SLC37A1: variants seen among roughly 807,000 people sequenced by gnomAD.
The protein encoded by SLC37A1 is glucose-6-phosphate exchanger SLC37A1.
In SLC37A1, 49 loss-of-function variants were observed where a neutral mutation model predicts 75.3. The observed-to-expected ratio is 0.65, with a 90% CI of 0.52 to 0.83. The LOEUF is 0.83. Among genes scored for constraint, SLC37A1 ranks in the 40% least tolerant of loss-of-function variants. The pLI, the probability that SLC37A1 is intolerant of heterozygous loss-of-function variation, is 0.00. For missense variants in SLC37A1, 566 were observed against 695.0 expected, an observed-to-expected ratio of 0.81 and a Z score of 2.09; for synonymous variants, 268 against 292.1, an observed-to-expected ratio of 0.92 and a Z score of 0.84.
chr21:42,577,486 G>C (rs540294891), intron 18 of SLC37A1, among the ~76,000 whole-genome samples: 1 of 152,296 alleles, frequency 6.6e-6, no homozygotes, highest in East Asian at 1.9e-4. Context: ...ATATAAAAAA[G>C]AACTGAAATA....
At position 42,564,887 on chromosome 21, in the gene SLC37A1, C is replaced by A. The variant is rs1017933824; in HGVS notation, c.1221+94C>A. On this transcript the variant is annotated intron_variant, in intron 14 of 19. Coordinates refer to ENST00000352133, the MANE Select transcript of SLC37A1 (RefSeq NM_001320537.2). Reference sequence around the variant, plus strand: ...AGCATCCTTCCATCTGGCCCGTGCTCCACTTTCCTGACAAGCCCGCTTCAT... The same window carrying A: ...AGCATCCTTCCATCTGGCCCGTGCTACACTTTCCTGACAAGCCCGCTTCAT... 46 of 1,229,126 alleles carry A rather than the reference C, an allele frequency of 3.7e-5. 1 individual carries two copies. Among genetic ancestry groups the A allele is most frequent in the South Asian group, 1.3e-4 (10 of 76,338 alleles). 76.1% of individuals were successfully genotyped at this position (1,229,126 alleles called of 1,614,324 possible).
chr21:42,523,663 G>A (rs976502656), intron 2 of SLC37A1, among the ~76,000 whole-genome samples: 1 of 152,242 alleles, frequency 6.6e-6, no homozygotes, highest in Non-Finnish European at 1.5e-5. Flanking sequence ...TTAGGGTTTC[G>A]CTTTTTTCCC....
rs978786580 is a variant in SLC37A1, at chr21:42,534,676, C to T, written c.139-22C>T. The T allele has an allele frequency of 9.4e-6, 15 of 1,602,210 alleles. No homozygotes were observed. The Admixed American group carries it at 1.2e-4, about 13-fold the overall frequency. ...CTGAGGGCACTTCCTCTCCCTGCTT[C>T]TGCCCTCCCATCACGTCCCAGGGTG... On this transcript the variant is annotated intron_variant, in intron 3 of 19. Coordinates refer to ENST00000352133, the MANE Select transcript of SLC37A1 (RefSeq NM_001320537.2).
At chr21:42,503,075 A>G (rs2054354208) in intron 2 of SLC37A1, 1 of 152,138 alleles carries the variant, frequency 6.6e-6, no homozygotes, top group African/African-American at 2.4e-5. Flanking sequence ...ATCACATGTC[A>G]TTATATGGTG....
At chr21:42,535,352 C>A in intron 4 of SLC37A1, 120 bp from the exon 5 acceptor site, 1 of 797,310 alleles carries the variant, frequency 1.3e-6, no homozygotes, top group Non-Finnish European at 2.1e-6. Flanking sequence ...TGTGGAAAAC[C>A]ACGCGTTTCA....
chr21:42,551,288 T>A (rs1176812435), intron 9 of SLC37A1, among the ~76,000 whole-genome samples: 2 of 152,196 alleles, frequency 1.3e-5, no homozygotes, highest in East Asian at 3.8e-4. Flanking sequence ...AAAGATGAAA[T>A]TAAGGCCGTT....
At chr21:42,524,017 A>G (rs2054717498) in intron 2 of SLC37A1, among the ~76,000 whole-genome samples, 1 of 152,088 alleles carries the variant, frequency 6.6e-6, no homozygotes, top group Admixed American at 6.5e-5. Context: ...CTTCCCTCGG[A>G]GTAAATCACA....
Position 42,535,958 on chromosome 21 carries a change from C to T in SLC37A1, c.350+408C>T, listed in dbSNP as rs114337582. ...CCATCTGTTTATATGCCCCAAATAA[C>T]GAATTTCACCTGATGATCGAAACAG... On this transcript the variant is annotated intron_variant, in intron 5 of 19. Coordinates refer to ENST00000352133, the MANE Select transcript of SLC37A1 (RefSeq NM_001320537.2). Among the ~76,000 whole-genome samples, 623 of 152,346 alleles carry T rather than the reference C, an allele frequency of 4.1e-3. 3 individuals are homozygous for T. The highest frequency in any genetic ancestry group is 0.014 in the African/African-American group (585 of 41,562).
chr21:42,522,276 A>G (rs1443945417), intron 2 of SLC37A1, among the ~76,000 whole-genome samples: 1 of 152,238 alleles, frequency 6.6e-6, no homozygotes, highest in Non-Finnish European at 1.5e-5. Context: ...TACAAAATGA[A>G]CAAAAGGAAA....
intron 6 of SLC37A1, among the ~76,000 whole-genome samples, chr21:42,541,385 G>C: frequency 6.6e-6 from 1 of 152,204 alleles, no homozygotes; most frequent in East Asian, 1.9e-4. Context: ...GGCTGGCCCA[G>C]GGTTGGGGAC....
chr21:42,544,666 G>A (rs2055362608), intron 8 of SLC37A1, among the ~76,000 whole-genome samples: 1 of 152,238 alleles, frequency 6.6e-6, no homozygotes, highest in African/African-American at 2.4e-5. Context: ...CAAACAGCCT[G>A]AGCAGGGGCC....
In SLC37A1 at chr21:42,552,869, G is replaced by A. The variant is rs1040876510; in HGVS notation, c.769-1193G>A. ...CGGGGGGCCGAGTGCTGGGGAGCAG[G>A]AACCCATCTCTGCTTCTGCCTGGAA... On this transcript the variant is annotated intron_variant, in intron 9 of 19. Coordinates refer to ENST00000352133, the MANE Select transcript of SLC37A1 (RefSeq NM_001320537.2). The surrounding 1 kb of genome is among the most constrained non-coding windows in gnomAD (Gnocchi z 4.2). 6.6e-6 allele frequency among the ~76,000 whole-genome samples: 1 copy of A among 152,214 alleles called. No individual in the cohort carries two copies. Among genetic ancestry groups the A allele is most frequent in the Non-Finnish European group, 1.5e-5 (1 of 68,040 alleles).
At chr21:42,518,134 T>A (rs6586322) in intron 1 of SLC37A1, 143 bp from the exon 2 acceptor site, 2 of 335,302 alleles carry the variant, frequency 6.0e-6, no homozygotes, top group Middle Eastern at 9.4e-4. Context: ...ACACTGCTGG[T>A]GGGGGCCCCT....
At chr21:42,530,237 A>G (rs749019507) in intron 3 of SLC37A1, among the ~76,000 whole-genome samples, 1 of 152,184 alleles carries the variant, frequency 6.6e-6, no homozygotes, top group African/African-American at 2.4e-5. Context: ...GTATAGAATG[A>G]TTCCATTTTT....
At position 42,536,147 on chromosome 21, in the gene SLC37A1, G is replaced by A. The variant is rs572355352; in HGVS notation, c.350+597G>A. 1.8e-4 allele frequency among the ~76,000 whole-genome samples: 27 copies of A among 152,274 alleles called. 1 individual carries two copies. The highest frequency in any genetic ancestry group is 5.1e-4 in the African/African-American group (21 of 41,576). ...TACAGCAGAGGCAGCTCTGCGTGGTGGGCAGGGAACTCCAGAGAGACACCA... is the reference window on the plus strand; with the variant it reads ...TACAGCAGAGGCAGCTCTGCGTGGTAGGCAGGGAACTCCAGAGAGACACCA... On this transcript the variant is annotated intron_variant, in intron 5 of 19. Coordinates refer to ENST00000352133, the MANE Select transcript of SLC37A1 (RefSeq NM_001320537.2).
intron 1 of SLC37A1, chr21:42,499,816 C>T (rs2146673197): frequency 6.6e-6 from 1 of 152,428 alleles, no homozygotes; most frequent in South Asian, 2.1e-4. Context: ...TTAACCCCTT[C>T]AAAAAGAAGA....
intron 15 of SLC37A1, 83 bp from the exon 16 acceptor site, chr21:42,566,902 A>G: frequency 7.1e-7 from 1 of 1,416,746 alleles, no homozygotes; most frequent in Non-Finnish European, 9.6e-7. Context: ...TGTGCTCCCC[A>G]GGCGCCCACC....
intron 17 of SLC37A1, among the ~76,000 whole-genome samples, chr21:42,571,626 T>C (rs1448043548): frequency 6.6e-6 from 1 of 152,106 alleles, no homozygotes; most frequent in Admixed American, 6.5e-5. Context: ...CTGAACGTCA[T>C]CAGCTGTGCT....
At position 42,547,229 on chromosome 21, in the gene SLC37A1, A is replaced by G; in HGVS notation, c.768+89A>G. On this transcript the variant is annotated intron_variant, in intron 9 of 19. Coordinates refer to ENST00000352133, the MANE Select transcript of SLC37A1 (RefSeq NM_001320537.2). The surrounding 1 kb of genome is among the most constrained non-coding windows in gnomAD (Gnocchi z 6.1). Reference sequence around the variant, plus strand: ...TGCTCCTGCCTGTGCGGTGTCAGACAGAAACACACAGGGTAGACAGAAGTC... The same window carrying G: ...TGCTCCTGCCTGTGCGGTGTCAGACGGAAACACACAGGGTAGACAGAAGTC... 3.6e-6 allele frequency: 5 copies of G among 1,386,818 alleles called. No individual in the cohort carries two copies. The highest frequency in any genetic ancestry group is 5.1e-6 in the Non-Finnish European group (5 of 974,288). The allele number at this position is 1,386,818 out of a possible 1,614,324, so 85.9% of individuals were successfully genotyped here. A position where few individuals can be genotyped will look rare whatever the true frequency, so the allele number is the denominator to read the frequency against.
Sources: allele counts gnomAD v4.1 joint callset (sites outside exome capture counted in the v4.1 genomes callset), GRCh38; gene constraint gnomAD v4.1.1; non-coding constraint Gnocchi (gnomAD v3.1); transcripts MANE v1.5; gene names NCBI Gene and HGNC (gene_info 2026-07-23, HGNC 2026-07-21).